PDIA5: variants seen among roughly 807,000 people sequenced by gnomAD.
PDIA5 encodes protein disulfide isomerase family A member 5, also known as protein disulfide-isomerase A5.
In PDIA5, 58 loss-of-function variants were observed where a neutral mutation model predicts 77.6. That is an observed-to-expected ratio of 0.75 (90% CI 0.61 to 0.93). The LOEUF is 0.93. Among genes scored for constraint, PDIA5 ranks in the 40% least tolerant of loss-of-function variants. The pLI, the probability that PDIA5 is intolerant of heterozygous loss-of-function variation, is 0.00. For missense variants in PDIA5, 630 were observed against 647.7 expected (o/e 0.97, Z 0.30); for synonymous variants, 250 against 252.1 (o/e 0.99, Z 0.08).
At chr3:123,085,132 C>T (rs184575205) in intron 1 of PDIA5, among the ~76,000 whole-genome samples, 1 of 152,354 alleles carries the variant, frequency 6.6e-6, no homozygotes, top group Non-Finnish European at 1.5e-5. Context: ...CACCCCATCA[C>T]ATACTGATAG....
rs985407978 is a variant in PDIA5, at chr3:123,147,272, A to G, written c.1142+1013A>G. Among the ~76,000 whole-genome samples, 11 of 152,286 alleles carry G rather than the reference A, an allele frequency of 7.2e-5. No homozygotes were observed. The Middle Eastern group carries it at 0.02, about 283-fold the overall frequency. ...AATCTGCTCTTCTTATAAGGACACC[A>G]GTCATGTTGGATGAGAGCCCACCCT... is the stretch of plus-strand genomic sequence containing the variant. On this transcript the variant is annotated intron_variant, in intron 13 of 16. Transcript: ENST00000316218.
chr3:123,090,468 C>T (rs1419190591), intron 2 of PDIA5, among the ~76,000 whole-genome samples: 3 of 152,180 alleles, frequency 2.0e-5, no homozygotes, highest in Non-Finnish European at 4.4e-5. Context: ...GTCTCATTGG[C>T]TCCTTTGCTG....
At chr3:123,072,221 C>A (rs977359237) in intron 1 of PDIA5, among the ~76,000 whole-genome samples, 2 of 152,222 alleles carry the variant, frequency 1.3e-5, no homozygotes, top group Non-Finnish European at 1.5e-5. Context: ...GTGGAAAGAA[C>A]ATGGGCTTTT....
chr3:123,092,382 T>C lies in PDIA5; in HGVS notation c.197T>C (p.Leu66Ser). The change falls in exon 3 of 17, where the codon TTA (leucine) becomes TCA (serine). Residue 66 changes from leucine to serine, a missense_variant. Leu to Ser is a moderately radical substitution (Grantham distance 145). Transcript: ENST00000316218. ...GTGGCAGCTGAAAATCATCTCAGGT[T>C]ACTGTCCACAGTGGCCCAGGCGGTG... ...SEVAAENHLR[L>S]LSTVAQAVKG... 1 of 1,613,944 alleles carries C rather than the reference T, an allele frequency of 6.2e-7. No homozygotes were observed.
At chr3:123,112,634 C>T (rs544187638) in intron 7 of PDIA5, among the ~76,000 whole-genome samples, 9 of 150,630 alleles carry the variant, frequency 6.0e-5, no homozygotes, top group South Asian at 4.2e-4. Flanking sequence ...CTGCGACCTC[C>T]GCCCCCCGGG....
At chr3:123,132,540 G>A (rs983886102) in intron 11 of PDIA5, among the ~76,000 whole-genome samples, 4 of 152,216 alleles carry the variant, frequency 2.6e-5, no homozygotes, top group African/African-American at 9.6e-5. Context: ...TCCTGATGAA[G>A]CGCAATGAAG....
intron 11 of PDIA5, among the ~76,000 whole-genome samples, chr3:123,134,295 C>T (rs1187770231): frequency 5.9e-5 from 9 of 152,286 alleles, no homozygotes; most frequent in East Asian, 5.8e-4. Flanking sequence ...TAGTTTCTTT[C>T]CCGGTCCTGC....
intron 6 of PDIA5, among the ~76,000 whole-genome samples, chr3:123,110,083 T>A (rs1204099135): frequency 6.6e-6 from 1 of 152,238 alleles, no homozygotes; most frequent in African/African-American, 2.4e-5. Context: ...CGAAATATGC[T>A]CTTATCATCG....
chr3:123,071,788 A>T, intron 1 of PDIA5, among the ~76,000 whole-genome samples: 1 of 152,108 alleles, frequency 6.6e-6, no homozygotes, highest in Non-Finnish European at 1.5e-5. Context: ...GACAGCAGGG[A>T]GCCCCCTGTC....
intron 11 of PDIA5, among the ~76,000 whole-genome samples, chr3:123,135,745 C>CTTTTTTTTTTTTTTTTTTTT (rs766560888): frequency 1.2e-5 from 1 of 80,468 alleles, no homozygotes; most frequent in Non-Finnish European, 2.2e-5. Flanking sequence ...GAGGTAACAA[C>CTTTTTTTTTTTTTTTTTTTT]TTTTTTTTTT....
chr3:123,086,426 AG>A (rs1411219753), intron 1 of PDIA5, among the ~76,000 whole-genome samples: 1 of 152,236 alleles, frequency 6.6e-6, no homozygotes, highest in East Asian at 1.9e-4. Context: ...GCAAAAAGGC[AG>A]GAGGCTGAGA....
Position 123,130,648 on chromosome 3 carries a change from C to A in PDIA5, c.910+32C>A, listed in dbSNP as rs372500750. The A allele has an allele frequency of 1.2e-5, 19 of 1,611,010 alleles. 1 individual carries two copies. The highest frequency in any genetic ancestry group is 4.5e-5 in the East Asian group (2 of 44,886). ...GGAACTTTGCTCCTCCCCCTCCACA[C>A]CCTCCCCTCTCTCAGAGTAGGATGA... On this transcript the variant is annotated intron_variant, in intron 11 of 16. Transcript: ENST00000316218.
intron 7 of PDIA5, among the ~76,000 whole-genome samples, chr3:123,114,164 G>A (rs984258590): frequency 1.3e-5 from 2 of 152,300 alleles, no homozygotes; most frequent in African/African-American, 4.8e-5. Flanking sequence ...GGCGAAACAG[G>A]AAGAGAGAGG....
At chr3:123,114,524 G>C (rs1477296967) in intron 7 of PDIA5, among the ~76,000 whole-genome samples, 1 of 152,234 alleles carries the variant, frequency 6.6e-6, no homozygotes, top group East Asian at 1.9e-4. Context: ...CCAGCCAGTG[G>C]GAGTTATGGG....
At chr3:123,140,346 T>A (rs1017169400) in intron 11 of PDIA5, among the ~76,000 whole-genome samples, 2 of 151,916 alleles carry the variant, frequency 1.3e-5, no homozygotes, top group Non-Finnish European at 2.9e-5. Flanking sequence ...CTGTAAAGTT[T>A]TAAGCAAAGG....
intron 6 of PDIA5, among the ~76,000 whole-genome samples, chr3:123,110,362 C>T (rs993894316): frequency 2.0e-5 from 3 of 152,160 alleles, no homozygotes; most frequent in African/African-American, 7.2e-5. Context: ...CTGTGTGCTC[C>T]GTGGACTCCT....
chr3:123,120,019 C>T (rs1935074259), intron 8 of PDIA5, among the ~76,000 whole-genome samples: 1 of 152,162 alleles, frequency 6.6e-6, no homozygotes, highest in South Asian at 2.1e-4. Flanking sequence ...CGCGTCTGTC[C>T]CATCTACTCC....
intron 1 of PDIA5, among the ~76,000 whole-genome samples, chr3:123,067,999 G>T (rs11921440): frequency 0.088 from 13,323 of 152,122 alleles, 1,000 homozygotes; most frequent in Admixed American, 0.25. Flanking sequence ...TACACTTGGT[G>T]GGGGGGACTC....
intron 11 of PDIA5, among the ~76,000 whole-genome samples, chr3:123,134,974 C>T (rs898702152): frequency 5.9e-5 from 9 of 152,232 alleles, no homozygotes; most frequent in Admixed American, 4.6e-4. Flanking sequence ...TCGTGCCTGA[C>T]CTCCCTCTGG....
Sources: gnomAD v4.1 joint callset for allele counts (sites outside exome capture counted in the v4.1 genomes callset) on GRCh38, gnomAD v4.1.1 for gene constraint, MANE v1.5 for transcripts, NCBI Gene and HGNC (gene_info 2026-07-23, HGNC 2026-07-21) for gene names.